The following MYBPC1 variants were observed in gnomAD, a reference collection of about 807,000 sequenced individuals.
MYBPC1 encodes myosin-binding protein C, slow-type.
Under a neutral mutation model 147.1 loss-of-function variants are expected in MYBPC1, and 52 were observed. The ratio of observed to expected loss-of-function variants is 0.35; its 90% CI spans 0.28 to 0.45. MYBPC1 has a LOEUF of 0.45. Ranked by LOEUF, MYBPC1 falls within the 20% of genes least tolerant of loss-of-function variation. The pLI is 1.00. For missense variants in MYBPC1, 1,228 were observed against 1,440.3 expected, an observed-to-expected ratio of 0.85 and a Z score of 2.39; for synonymous variants, 477 against 475.9, an observed-to-expected ratio of 1.00 and a Z score of -0.03.
At chr12:101,649,562 A>G (rs1893960520) in intron 15 of MYBPC1, 136 bp downstream of exon 15, 3 of 1,032,868 alleles carry the variant, frequency 2.9e-6, no homozygotes, top group African/African-American at 1.6e-5. Context: ...CATTCCAGCT[A>G]AGTGTCTATG....
At position 101,675,427 on chromosome 12, in the gene MYBPC1, G is replaced by T. The variant is rs1187156031; in HGVS notation, c.2945G>T (p.Ser982Ile). Residue 982 changes from serine (S) to isoleucine (I), a missense_variant, in exon 26 of 32, where the codon AGC becomes ATC. This residue lies in a region of MYBPC1 where 1,077 missense variants were observed against 1,314.2 expected (regional missense o/e 0.82). Transcript: ENST00000361466. ...GYTIQKADKK[S>I]MEWFTVIEHY... ...ACCATTCAGAAGGCTGACAAGAAGA[G>T]CATGGTAAGGTCTGGCTTTCTCTGG... 1 of 1,614,018 alleles carries T rather than the reference G, an allele frequency of 6.2e-7. No homozygotes were observed. The highest frequency in any genetic ancestry group is 1.3e-5 in the African/African-American group (1 of 74,914).
intron 29 of MYBPC1, among the ~76,000 whole-genome samples, chr12:101,682,040 T>C (rs1345441661): frequency 1.3e-5 from 2 of 152,170 alleles, no homozygotes; most frequent in Non-Finnish European, 2.9e-5. Context: ...TTTCAAGCCT[T>C]ACTATTGAGA....
downstream of MYBPC1, among the ~76,000 whole-genome samples, chr12:101,689,383 A>G (rs1951388037): frequency 6.6e-6 from 1 of 152,190 alleles, no homozygotes; most frequent in Non-Finnish European, 1.5e-5. Context: ...ACTTTATAAA[A>G]AAGTCACCCA....
intron 24 of MYBPC1, among the ~76,000 whole-genome samples, chr12:101,670,779 A>G (rs930211049): frequency 6.6e-6 from 1 of 152,190 alleles, no homozygotes; most frequent in African/African-American, 2.4e-5. Flanking sequence ...CTCTCAGTGT[A>G]ACATTCAGGA....
At chr12:101,665,567 C>T (rs886095270) in intron 22 of MYBPC1, among the ~76,000 whole-genome samples, 2 of 152,008 alleles carry the variant, frequency 1.3e-5, no homozygotes, top group African/African-American at 4.8e-5. Flanking sequence ...TCTTTCCTTT[C>T]TTAAAAATTC....
intron 21 of MYBPC1, among the ~76,000 whole-genome samples, chr12:101,662,856 G>T (rs542564760): frequency 1.6e-4 from 25 of 152,086 alleles, no homozygotes; most frequent in Non-Finnish European, 3.7e-4. Flanking sequence ...CTTTCCATTT[G>T]CCCTTCTGAA....
At chr12:101,687,491 C>T (rs1441080763), downstream of MYBPC1, among the ~76,000 whole-genome samples, 1 of 152,152 alleles carries the variant, frequency 6.6e-6, no homozygotes, top group East Asian at 1.9e-4. Context: ...CGTTCCAAGT[C>T]TTTGCTATTG....
rs138654954 is a variant in MYBPC1, at chr12:101,627,681, TA to T, written c.143-87del. The T allele has an allele frequency of 2.5e-3, 3,623 of 1,454,332 alleles. 85 individuals carry two copies. The African/African-American group carries it at 0.044, about 18-fold the overall frequency. 90.1% of individuals were successfully genotyped at this position (1,454,332 alleles called of 1,614,324 possible). A position where few individuals can be genotyped will look rare whatever the true frequency, so the allele number is the denominator to read the frequency against. On this transcript the variant is annotated intron_variant, in intron 4 of 31. Coordinates refer to ENST00000361466, the MANE Select transcript of MYBPC1 (RefSeq NM_002465.4). ...TCCTATCACCAGAGGAGACAGGGTT[TA>T]GGGGAATCCAAGAAGGTTGAAGTCA...
rs1593957138 is a variant in MYBPC1, at chr12:101,659,751, G to C, written c.1847G>C (p.Arg616Thr). 3.1e-6 allele frequency: 5 copies of C among 1,614,142 alleles called. No homozygotes were observed. In the East Asian group the frequency reaches 1.1e-4, roughly 36 times the overall value. Residue 616 changes from arginine to threonine, a missense_variant, in exon 19 of 32, where the codon AGA becomes ACA. Arg to Thr is a moderately conservative substitution (Grantham distance 71, BLOSUM62 -1). Transcript: ENST00000361466. ...SSTLVIDIAE[R>T]DDSGVYHINL... ...ACTCTGGTCATTGATATAGCTGAAA[G>C]AGATGACTCTGGTGTTTACCACATC...
At chr12:101,621,091 G>T (rs113671675) in intron 3 of MYBPC1, among the ~76,000 whole-genome samples, 1 of 152,054 alleles carries the variant, frequency 6.6e-6, no homozygotes, top group Non-Finnish European at 1.5e-5. Flanking sequence ...AAAAATTTAG[G>T]TTCTTTTACA....
At chr12:101,661,319 C>A in intron 20 of MYBPC1, 57 bp downstream of exon 20, 1 of 1,067,348 alleles carries the variant, frequency 9.4e-7, no homozygotes, top group Non-Finnish European at 1.4e-6. Flanking sequence ...CCTCTTTACG[C>A]ATCTTAGTAC....
downstream of MYBPC1, among the ~76,000 whole-genome samples, chr12:101,690,776 G>T (rs1242681145): frequency 6.6e-6 from 1 of 152,148 alleles, no homozygotes; most frequent in Non-Finnish European, 1.5e-5. Context: ...AGGAAATTAA[G>T]CATTTTTAGA....
chr12:101,615,794 G>T (rs1488798718), intron 2 of MYBPC1, among the ~76,000 whole-genome samples: 2 of 151,732 alleles, frequency 1.3e-5, no homozygotes, highest in Admixed American at 6.6e-5. Context: ...TTTGGAGAAG[G>T]TCTCAGTTTC....
chr12:101,620,320 T>G (rs1047146574), intron 3 of MYBPC1, among the ~76,000 whole-genome samples: 2 of 152,234 alleles, frequency 1.3e-5, no homozygotes, highest in African/African-American at 4.8e-5. Flanking sequence ...GATGGAACAC[T>G]AAATATAGAT....
chr12:101,686,637 C>T (rs1594109609), downstream of MYBPC1, among the ~76,000 whole-genome samples: 1 of 152,158 alleles, frequency 6.6e-6, no homozygotes, highest in African/African-American at 2.4e-5. Context: ...TATTCCCTCG[C>T]CTCCCCTCTG....
At chr12:101,663,356 T>A (rs985709387) in intron 21 of MYBPC1, 70 bp from the exon 22 acceptor site, 1 of 1,384,854 alleles carries the variant, frequency 7.2e-7, no homozygotes, top group Non-Finnish European at 1.0e-6. Context: ...CCCCATTGGT[T>A]TTATCACAGT....
intron 1 of MYBPC1, among the ~76,000 whole-genome samples, chr12:101,612,939 A>T (rs1214879095): frequency 1.3e-5 from 2 of 152,230 alleles, no homozygotes; most frequent in Non-Finnish European, 1.5e-5. Flanking sequence ...TGACAATGCC[A>T]TCCAAGGGAC....
chr12:101,660,824 C>G (rs946676855), intron 19 of MYBPC1, among the ~76,000 whole-genome samples: 21 of 152,078 alleles, frequency 1.4e-4, no homozygotes, highest in Non-Finnish European at 2.9e-5. Context: ...AGAATGAGAA[C>G]CAAGCCAGAG....
Position 101,624,683 on chromosome 12 carries a change from A to ATTTTTTTTTTTTTTTTT in MYBPC1, c.104-2179_104-2163dup, listed in dbSNP as rs57175970. Among the ~76,000 whole-genome samples the ATTTTTTTTTTTTTTTTT allele has an allele frequency of 3.0e-4, 30 of 99,102 alleles. 1 individual carries two copies. The highest frequency in any genetic ancestry group is 1.0e-3 in the African/African-American group (25 of 24,016). The allele number at this position is 99,102 out of a possible 152,430, so 65.0% of individuals were successfully genotyped here. ...AATAATATACAAGCCCGGCTAATTA[A>ATTTTTTTTTTTTTTTTT]TTTTTTTTTTTTTTTTTTTTTTTTT... On this transcript the variant is annotated intron_variant, in intron 3 of 31. Coordinates refer to ENST00000361466, the MANE Select transcript of MYBPC1 (RefSeq NM_002465.4).
Sources: gnomAD v4.1 joint callset for allele counts (sites outside exome capture counted in the v4.1 genomes callset) on GRCh38, gnomAD v4.1.1 for gene constraint, gnomAD v4.1.1 regional missense constraint, MANE v1.5 for transcripts, NCBI Gene and HGNC (gene_info 2026-07-23, HGNC 2026-07-21) for gene names.